The following HIVEP3 variants were observed in gnomAD, a reference collection of about 807,000 sequenced individuals.
HIVEP3 encodes HIVEP zinc finger 3, also known as transcription factor HIVEP3.
A neutral mutation model predicts 152.8 loss-of-function variants in HIVEP3; 49 were observed. The ratio of observed to expected loss-of-function variants is 0.32; its 90% CI spans 0.26 to 0.41. The LOEUF (loss-of-function observed/expected upper bound fraction) is 0.41. Among genes scored for constraint, HIVEP3 ranks in the 10% least tolerant of loss-of-function variants. The probability of loss-of-function intolerance (pLI) is 1.00; values close to 1 mark genes in which losing one functional copy is unlikely to be tolerated. For missense variants in HIVEP3, 2,790 were observed against 3,103.3 expected, an observed-to-expected ratio of 0.90 and a Z score of 2.40; for synonymous variants, 1,269 against 1,289.0, an observed-to-expected ratio of 0.98 and a Z score of 0.33.
intron 1 of HIVEP3, among the ~76,000 whole-genome samples, chr1:41,748,766 G>A (rs1017300933): frequency 6.6e-6 from 1 of 152,186 alleles, no homozygotes; most frequent in East Asian, 1.9e-4. Context: ...CACAGATATT[G>A]GTCAGAATGC....
At chr1:41,768,490 T>G (rs1648149302) in intron 1 of HIVEP3, among the ~76,000 whole-genome samples, 1 of 152,216 alleles carries the variant, frequency 6.6e-6, no homozygotes, top group Non-Finnish European at 1.5e-5. Context: ...GTAAGCTTCT[T>G]TTGGAGACCC....
rs1390692967 is a variant in HIVEP3, at chr1:41,510,672, ACTCCAAGCGGGGG to A, written c.6987_6999del (p.Leu2332ValfsTer146). The A allele has an allele frequency of 6.6e-7, 1 of 1,522,544 alleles. No individual in the cohort carries two copies. The highest frequency in any genetic ancestry group is 1.4e-5 in the African/African-American group (1 of 72,474). The allele number at this position is 1,522,544 out of a possible 1,614,324, so 94.3% of individuals were successfully genotyped here. A position where few individuals can be genotyped will look rare whatever the true frequency, so the allele number is the denominator to read the frequency against. On this transcript the variant is annotated frameshift_variant, in exon 9 of 9. Transcript: ENST00000372583. LOFTEE classifies it high-confidence loss of function. ...TCGGGGTTGGTCGGTGCACGCGGGGACTCCAAGCGGGGGCTCCAGGACTGCGCTGCCCGGCGTC... is the reference window on the plus strand; with the variant it reads ...TCGGGGTTGGTCGGTGCACGCGGGGACTCCAGGACTGCGCTGCCCGGCGTC...
intron 2 of HIVEP3, among the ~76,000 whole-genome samples, chr1:41,693,494 T>C (rs1570329351): frequency 6.6e-6 from 1 of 152,346 alleles, no homozygotes; most frequent in African/African-American, 2.4e-5. Context: ...TGCCCATTTT[T>C]CCGCTGGCAA....
chr1:41,522,238 C>T (rs1642777648), intron 6 of HIVEP3, among the ~76,000 whole-genome samples: 1 of 152,210 alleles, frequency 6.6e-6, no homozygotes, highest in South Asian at 2.1e-4. Context: ...ACACCTGGCC[C>T]CAGAAACAGA....
At chr1:42,033,322 T>A (rs1372803528) in intron 1 of HIVEP3, among the ~76,000 whole-genome samples, 1 of 152,202 alleles carries the variant, frequency 6.6e-6, no homozygotes, top group East Asian at 1.9e-4. Context: ...CTTTTAATTG[T>A]CTTTTTTTTT....
chr1:41,718,801 C>T (rs1646635233), intron 1 of HIVEP3, among the ~76,000 whole-genome samples: 1 of 127,860 alleles, frequency 7.8e-6, no homozygotes, highest in African/African-American at 4.3e-5. Flanking sequence ...CACACACGTG[C>T]ACACACACAC....
intron 1 of HIVEP3, among the ~76,000 whole-genome samples, chr1:41,785,477 A>T (rs1649294331): frequency 6.6e-6 from 1 of 152,224 alleles, no homozygotes; most frequent in Non-Finnish European, 1.5e-5. Flanking sequence ...AACATAACGA[A>T]AAAACTAGAA....
chr1:41,994,032 G>A (rs1645380338), intron 1 of HIVEP3, among the ~76,000 whole-genome samples: 1 of 149,700 alleles, frequency 6.7e-6, no homozygotes, highest in Non-Finnish European at 1.5e-5. Context: ...GATAGCATTG[G>A]GAGATATACA....
intron 1 of HIVEP3, among the ~76,000 whole-genome samples, chr1:41,926,472 CT>C (rs1220820273): frequency 6.6e-6 from 1 of 152,174 alleles, no homozygotes; most frequent in Admixed American, 6.5e-5. Flanking sequence ...GGCACTCAAG[CT>C]AAACACAGTG....
At chr1:42,003,996 G>C (rs755143092) in intron 1 of HIVEP3, among the ~76,000 whole-genome samples, 17 of 152,180 alleles carry the variant, frequency 1.1e-4, no homozygotes, top group Non-Finnish European at 2.1e-4. Flanking sequence ...TCCGGGCAGA[G>C]TGACAAGGCA....
intron 5 of HIVEP3, among the ~76,000 whole-genome samples, chr1:41,562,384 T>C (rs1644079106): frequency 6.6e-6 from 1 of 152,210 alleles, no homozygotes; most frequent in African/African-American, 2.4e-5. Flanking sequence ...AAGAGTTCTT[T>C]GGAAGAATGG....
chr1:41,555,240 G>A (rs187284364), intron 5 of HIVEP3, among the ~76,000 whole-genome samples: 2 of 152,216 alleles, frequency 1.3e-5, no homozygotes, highest in African/African-American at 2.4e-5. Context: ...TGCCTTGCAG[G>A]TTGATCTCAG....
chr1:41,527,116 C>G (rs1276725603), intron 5 of HIVEP3, among the ~76,000 whole-genome samples: 3 of 103,566 alleles, frequency 2.9e-5, no homozygotes, highest in Admixed American at 9.3e-5. Context: ...CCTCACACAC[C>G]CTCTTCCTCA....
chr1:41,822,707 C>T (rs1351779557), intron 1 of HIVEP3, among the ~76,000 whole-genome samples: 1 of 152,142 alleles, frequency 6.6e-6, no homozygotes, highest in Non-Finnish European at 1.5e-5. Flanking sequence ...TCAAGCTTTC[C>T]TATATTTGCT....
rs535678345 is a variant in HIVEP3, at chr1:41,725,673, C to G, written c.-800-24678G>C. The stretch of plus-strand genomic sequence containing the variant: ...GAGGCAAGGGCCAACAGTCCTCTGT[C>G]CCTTCCTCCAGTGACCCCCAAAAGA... On this transcript the variant is annotated intron_variant, in intron 1 of 8. Coordinates refer to ENST00000372583, the MANE Select transcript of HIVEP3 (RefSeq NM_024503.5). Among the ~76,000 whole-genome samples, 6 of 152,340 alleles carry G rather than the reference C, an allele frequency of 3.9e-5. No individual in the cohort carries two copies. In the East Asian group the frequency reaches 1.2e-3, roughly 29 times the overall value.
At chr1:41,689,438 C>T (rs1646162468) in intron 2 of HIVEP3, among the ~76,000 whole-genome samples, 1 of 152,156 alleles carries the variant, frequency 6.6e-6, no homozygotes. Context: ...TTTCTGGGAT[C>T]CGGGTGGGTA....
At chr1:41,778,659 C>A (rs554475245) in intron 1 of HIVEP3, among the ~76,000 whole-genome samples, 1 of 152,272 alleles carries the variant, frequency 6.6e-6, no homozygotes, top group African/African-American at 2.4e-5. Flanking sequence ...TTGGGCAGGA[C>A]TATGAGCCAG....
chr1:42,012,228 T>C (rs1645496560), intron 1 of HIVEP3, among the ~76,000 whole-genome samples: 1 of 152,236 alleles, frequency 6.6e-6, no homozygotes, highest in Non-Finnish European at 1.5e-5. Flanking sequence ...TCTTTAGACA[T>C]AGATGTCTCT....
intron 1 of HIVEP3, among the ~76,000 whole-genome samples, chr1:41,706,155 A>T (rs937916342): frequency 6.6e-6 from 1 of 152,200 alleles, no homozygotes; most frequent in Non-Finnish European, 1.5e-5. Flanking sequence ...AAATGATCTC[A>T]TTGCCCAAGT....
Sources: allele counts gnomAD v4.1 joint callset (sites outside exome capture counted in the v4.1 genomes callset), GRCh38; gene constraint gnomAD v4.1.1; transcripts MANE v1.5; gene names NCBI Gene and HGNC (gene_info 2026-07-23, HGNC 2026-07-21).